Variants in EMB observed in about 807,000 individuals in gnomAD.
EMB encodes embigin homolog.
Under a neutral mutation model 41.4 loss-of-function variants are expected in EMB, and 31 were observed. That is an observed-to-expected ratio of 0.75 (90% CI 0.56 to 1.01). The LOEUF (loss-of-function observed/expected upper bound fraction) is 1.01. Among genes scored for constraint, EMB ranks in the 50% least tolerant of loss-of-function variants. EMB has a pLI of 0.00. For missense variants in EMB, 379 were observed against 388.3 expected, an observed-to-expected ratio of 0.98 and a Z score of 0.20; for synonymous variants, 137 against 140.4, an observed-to-expected ratio of 0.98 and a Z score of 0.17.
intron 4 of EMB, among the ~76,000 whole-genome samples, chr5:50,406,096 A>G (rs1288128817): frequency 6.6e-6 from 1 of 151,922 alleles, no homozygotes. Context: ...TGAGCCTAAC[A>G]ACAAAAGTAT....
chr5:50,438,904 T>C (rs1315867157), intron 1 of EMB, among the ~76,000 whole-genome samples: 3 of 135,000 alleles, frequency 2.2e-5, no homozygotes, highest in East Asian at 4.1e-4. Flanking sequence ...GTTTCCTACC[T>C]TTTTTTTTTT....
intron 2 of EMB, among the ~76,000 whole-genome samples, chr5:50,413,063 C>T (rs1419815212): frequency 2.6e-5 from 4 of 152,026 alleles, no homozygotes; most frequent in Admixed American, 6.6e-5. Context: ...CATACACACG[C>T]GCCCACGCGC....
intron 4 of EMB, among the ~76,000 whole-genome samples, chr5:50,406,268 T>C (rs981122074): frequency 6.6e-6 from 1 of 151,766 alleles, no homozygotes; most frequent in African/African-American, 2.4e-5. Flanking sequence ...ATTTCCAGGA[T>C]AGGAAATCTT....
intron 2 of EMB, among the ~76,000 whole-genome samples, chr5:50,419,603 C>T (rs1745484420): frequency 6.7e-6 from 1 of 149,768 alleles, no homozygotes; most frequent in Non-Finnish European, 1.5e-5. Context: ...AAAAGTGTTG[C>T]TACAATTAGT....
intron 1 of EMB, among the ~76,000 whole-genome samples, chr5:50,432,847 G>A (rs1238462265): frequency 5.3e-5 from 8 of 151,794 alleles, no homozygotes; most frequent in East Asian, 3.9e-4. Context: ...GGGAGGCTGA[G>A]GCAGGCAGAT....
intron 2 of EMB, among the ~76,000 whole-genome samples, chr5:50,414,962 T>A (rs1745404984): frequency 1.3e-5 from 2 of 152,164 alleles, no homozygotes; most frequent in South Asian, 4.1e-4. Flanking sequence ...CTATTAACTC[T>A]AATGCTCTTT....
rs370656309 is a variant in EMB at position 50,403,335 on chromosome 5, T to A, written c.720A>T (p.Leu240=). ...GTTCTTCACTCTCGCCTAATTGGAA[T>A]AGTGCACGGCACCAGTAAGATTCCC... The part of the protein sequence containing the change: ...EDGESYWCRA[L]FQLGESEEHI... The change falls in exon 6 of 9, where the codon CTA becomes CTT. Residue 240 remains leucine, a synonymous_variant. Coordinates refer to ENST00000303221, the MANE Select transcript of EMB (RefSeq NM_198449.3). 2 of 1,612,700 alleles carry A rather than the reference T, an allele frequency of 1.2e-6. No homozygotes were observed. The highest frequency in any genetic ancestry group is 1.3e-5 in the African/African-American group (1 of 74,780).
At chr5:50,405,963 C>A in intron 4 of EMB, 111 bp from the exon 5 acceptor site, 1 of 1,404,870 alleles carries the variant, frequency 7.1e-7, no homozygotes, top group African/African-American at 1.5e-5. Context: ...ATTTTAAGTA[C>A]TTTCAGTTAT....
chr5:50,432,809 T>C (rs1393635443), intron 1 of EMB, among the ~76,000 whole-genome samples: 1 of 143,958 alleles, frequency 6.9e-6, no homozygotes, highest in Non-Finnish European at 1.5e-5. Flanking sequence ...CCAGGCGCGG[T>C]GGCTCACGCT....
At chr5:50,411,664 G>C (rs1486459081) in intron 2 of EMB, 7 of 173,940 alleles carry the variant, frequency 4.0e-5, no homozygotes, top group Non-Finnish European at 7.7e-5. Flanking sequence ...ATAGGGTAGA[G>C]AGTACCCTAT....
intron 1 of EMB, among the ~76,000 whole-genome samples, chr5:50,433,644 T>C (rs1235068023): frequency 6.6e-6 from 1 of 152,230 alleles, no homozygotes; most frequent in African/African-American, 2.4e-5. Context: ...TGAAAGCATT[T>C]TGCTTGTCAC....
chr5:50,441,416 C>T (rs1745913079), upstream of EMB: 1 of 297,108 alleles, frequency 3.4e-6, no homozygotes, highest in Non-Finnish European at 6.2e-6. Context: ...GGCGGTGCTA[C>T]TTCCCGGCTG....
At chr5:50,409,749 G>A (rs1217222231) in intron 4 of EMB, among the ~76,000 whole-genome samples, 1 of 151,918 alleles carries the variant, frequency 6.6e-6, no homozygotes, top group Non-Finnish European at 1.5e-5. Flanking sequence ...AAACTGAAAG[G>A]AAATGTATAT....
chr5:50,438,032 A>G lies in EMB; in HGVS notation c.112+3008T>C, dbSNP rs570472013. Among the ~76,000 whole-genome samples the G allele has an allele frequency of 2.0e-5, 3 of 152,302 alleles. No individual in the cohort carries two copies. In the South Asian group the frequency reaches 6.2e-4, roughly 32 times the overall value. Reference sequence around the variant, plus strand: ...AGGACTCAAACTGTGTCAGCATGTCATTCAGTGCAAATCAGACATTTAGAT... The same window carrying G: ...AGGACTCAAACTGTGTCAGCATGTCGTTCAGTGCAAATCAGACATTTAGAT... On this transcript the variant is annotated intron_variant, in intron 1 of 8. Transcript: ENST00000303221.
intron 4 of EMB, among the ~76,000 whole-genome samples, chr5:50,409,666 G>C (rs552573267): frequency 6.6e-6 from 1 of 151,630 alleles, no homozygotes; most frequent in East Asian, 1.9e-4. Flanking sequence ...GAAAGGAAAA[G>C]AGAGATTAAG....
At chr5:50,433,024 G>T (rs1389435689) in intron 1 of EMB, among the ~76,000 whole-genome samples, 2 of 151,992 alleles carry the variant, frequency 1.3e-5, no homozygotes, top group African/African-American at 4.8e-5. Context: ...GTTGCAGTGA[G>T]CTGAGATCGC....
At chr5:50,405,873 T>G (rs773032421) in intron 4 of EMB, 21 bp from the exon 5 acceptor site, 14 of 1,566,902 alleles carry the variant, frequency 8.9e-6, no homozygotes, top group Non-Finnish European at 1.2e-5. Flanking sequence ...AATAGAGAAA[T>G]GTATGTTACT....
chr5:50,419,637 G>A (rs1309619553), intron 2 of EMB, among the ~76,000 whole-genome samples: 1 of 151,884 alleles, frequency 6.6e-6, no homozygotes, highest in Non-Finnish European at 1.5e-5. Context: ...GGTGTGGAAA[G>A]CATTCAAGAT....
intron 7 of EMB, among the ~76,000 whole-genome samples, chr5:50,401,166 C>G (rs954560988): frequency 1.3e-5 from 2 of 151,964 alleles, no homozygotes; most frequent in Non-Finnish European, 2.9e-5. Flanking sequence ...CTATGGGAGT[C>G]TATGATTCTA....
Sources: gnomAD v4.1 joint callset for allele counts (sites outside exome capture counted in the v4.1 genomes callset) on GRCh38, gnomAD v4.1.1 for gene constraint, MANE v1.5 for transcripts, NCBI Gene and HGNC (gene_info 2026-07-23, HGNC 2026-07-21) for gene names.